The following UBA3 variants were observed in gnomAD, a reference collection of about 807,000 sequenced individuals.
The protein encoded by UBA3 is ubiquitin like modifier activating enzyme 3.
UBA3 carries 26 observed loss-of-function variants against 73.5 expected under a neutral mutation model. That is an observed-to-expected ratio of 0.35 (90% CI 0.26 to 0.49). The LOEUF is 0.49. Among genes scored for constraint, UBA3 ranks in the 20% least tolerant of loss-of-function variants. The pLI is 0.98. For missense variants in UBA3, 495 were observed against 555.6 expected (o/e 0.89, Z 1.10); for synonymous variants, 217 against 191.2 (o/e 1.13, Z -1.11).
intron 3 of UBA3, chr3:69,076,571 T>C (rs1473465589): frequency 6.6e-6 from 1 of 151,704 alleles, no homozygotes; most frequent in Non-Finnish European, 1.5e-5. Context: ...ACAGCTGCTT[T>C]TTTTTTTCCT....
chr3:69,072,065 T>C (rs2092125858), intron 4 of UBA3, among the ~76,000 whole-genome samples: 1 of 152,146 alleles, frequency 6.6e-6, no homozygotes, highest in Admixed American at 6.5e-5. Context: ...TTATAAGACA[T>C]ATATTATAAA....
chr3:69,063,995 G>C (rs2092045256), intron 7 of UBA3, 73 bp downstream of exon 7: 3 of 1,264,572 alleles, frequency 2.4e-6, no homozygotes, highest in Admixed American at 2.0e-5. Context: ...GAAATAGCTA[G>C]CAATATTTGA....
chr3:69,058,834 T>C (rs1157852904), intron 11 of UBA3, among the ~76,000 whole-genome samples: 1 of 152,198 alleles, frequency 6.6e-6, no homozygotes, highest in African/African-American at 2.4e-5. Context: ...AACCACTGGC[T>C]TGTGCAACTT....
chr3:69,075,537 A>G, intron 3 of UBA3, 27 bp from the exon 4 acceptor site: 1 of 1,436,664 alleles, frequency 7.0e-7, no homozygotes, highest in Non-Finnish European at 9.4e-7. Flanking sequence ...GGCATATTAA[A>G]AGCTGGGTGA....
intron 17 of UBA3, 30 bp from the exon 18 acceptor site, chr3:69,055,555 G>T: frequency 6.6e-7 from 1 of 1,523,950 alleles, no homozygotes; most frequent in Non-Finnish European, 8.9e-7. Flanking sequence ...ATTAATACAA[G>T]CAAAAAAAAC....
In UBA3 at chr3:69,055,313, T is replaced by A; in HGVS notation, c.*124A>T. On this transcript the variant is annotated 3_prime_UTR_variant, in exon 18 of 18. Transcript: ENST00000361055. ...GGAAGGTTACAAAGTTAAAAAAGAG[T>A]GGTTCATTATATAAAAAAAGACAAA... 1 of 546,850 alleles carries A rather than the reference T, an allele frequency of 1.8e-6. No homozygotes were observed. The highest frequency in any genetic ancestry group is 3.0e-6 in the Non-Finnish European group (1 of 331,886). 33.9% of individuals were successfully genotyped at this position (546,850 alleles called of 1,614,324 possible).
At chr3:69,072,196 T>C (rs1239613289) in intron 4 of UBA3, among the ~76,000 whole-genome samples, 2 of 152,204 alleles carry the variant, frequency 1.3e-5, no homozygotes, top group African/African-American at 2.4e-5. Context: ...GTTTCCATAA[T>C]AATGCCATGC....
chr3:69,077,678 A>T, intron 3 of UBA3, 120 bp downstream of exon 3: 1 of 1,080,790 alleles, frequency 9.3e-7, no homozygotes, highest in Non-Finnish European at 1.3e-6. Flanking sequence ...AGAAAAATTT[A>T]GTTTCACAAA....
At chr3:69,073,300 A>G (rs1220783801) in intron 4 of UBA3, among the ~76,000 whole-genome samples, 2 of 152,180 alleles carry the variant, frequency 1.3e-5, no homozygotes, top group Non-Finnish European at 2.9e-5. Flanking sequence ...CTTCTGCTCT[A>G]GCGATGATAG....
intron 6 of UBA3, among the ~76,000 whole-genome samples, chr3:69,065,265 C>T (rs1179334215): frequency 1.3e-5 from 2 of 151,994 alleles, no homozygotes; most frequent in Admixed American, 6.5e-5. Flanking sequence ...TCCTTTTTCC[C>T]TACAGGGGCC....
intron 6 of UBA3, among the ~76,000 whole-genome samples, chr3:69,064,634 A>T (rs1354603573): frequency 6.6e-6 from 1 of 152,104 alleles, no homozygotes; most frequent in Non-Finnish European, 1.5e-5. Context: ...AAAAAGTACG[A>T]ATTTTTTCTA....
intron 4 of UBA3, among the ~76,000 whole-genome samples, chr3:69,073,541 T>A (rs1232162566): frequency 6.6e-6 from 1 of 152,242 alleles, no homozygotes; most frequent in African/African-American, 2.4e-5. Context: ...CACCTTTCTG[T>A]ATTTGTTCAA....
At position 69,063,793 on chromosome 3, in the gene UBA3, C is replaced by A. The variant is rs79853676; in HGVS notation, c.472+275G>T. 0.014 allele frequency among the ~76,000 whole-genome samples: 2,130 copies of A among 151,844 alleles called. 42 individuals are homozygous for A. Among genetic ancestry groups the A allele is most frequent in the African/African-American group, 0.049 (2,020 of 41,454 alleles). Reference sequence around the variant, plus strand: ...ACGTTCTAAGAAACCAACAAAAAAACCACAAGCACTTTTTACTGTAATCCC... The same window carrying A: ...ACGTTCTAAGAAACCAACAAAAAAAACACAAGCACTTTTTACTGTAATCCC... On this transcript the variant is annotated intron_variant, in intron 7 of 17. Transcript: ENST00000361055.
At chr3:69,058,299 T>C (rs1294220727) in intron 11 of UBA3, among the ~76,000 whole-genome samples, 2 of 152,228 alleles carry the variant, frequency 1.3e-5, no homozygotes, top group Non-Finnish European at 2.9e-5. Flanking sequence ...CTCCATTTTA[T>C]AACTATATTT....
intron 4 of UBA3, among the ~76,000 whole-genome samples, chr3:69,072,137 G>A (rs935983370): frequency 3.3e-5 from 5 of 152,084 alleles, no homozygotes; most frequent in African/African-American, 1.2e-4. Context: ...TGAATCAAGA[G>A]CATGCAATTT....
chr3:69,079,492 A>G (rs145898819), intron 2 of UBA3, among the ~76,000 whole-genome samples: 1 of 152,330 alleles, frequency 6.6e-6, no homozygotes, highest in African/African-American at 2.4e-5. Context: ...GGCGCTGGCC[A>G]GGTTAGAAAA....
At position 69,077,846 on chromosome 3, in the gene UBA3, G is replaced by A. The variant is rs1463523751; in HGVS notation, c.135C>T (p.Leu45=). 7.4e-6 allele frequency: 12 copies of A among 1,613,958 alleles called. No homozygotes were observed. In the East Asian group the frequency reaches 1.1e-4, roughly 15 times the overall value. Residue 45 remains leucine, a synonymous_variant, in exon 3 of 18, where the codon CTC becomes CTT. Coordinates refer to ENST00000361055, the MANE Select transcript of UBA3 (RefSeq NM_003968.4). The part of the protein sequence containing the change: ...EGRWNHVKKF[L]ERSGPFTHPD... The stretch of plus-strand genomic sequence containing the variant: ...GGTGTGTGAAGGGTCCAGATCGCTC[G>A]AGGAACTTCTTTACATGGTTCCAGC...
rs1374397877 is a variant in UBA3, at chr3:69,057,349, A to C, written c.911-40T>G. ...CAATTAAAATATGGTCATTTCTTTA[A>C]AATAAAAGAGTTCTCTTAAATTAGA... On this transcript the variant is annotated intron_variant, in intron 11 of 17. Coordinates refer to ENST00000361055, the MANE Select transcript of UBA3 (RefSeq NM_003968.4). 7.1e-6 allele frequency: 11 copies of C among 1,550,816 alleles called. No homozygotes were observed. In the East Asian group the frequency reaches 2.0e-4, roughly 29 times the overall value.
chr3:69,075,447 C>T lies in UBA3; in HGVS notation c.247G>A (p.Glu83Lys). ...LVIGAGGLGC[E>K]LLKNLALSGF... ...TATATTACCAGATTTTTCAGGAGCT[C>T]ACATCCTAAGCCGCCAGCTCCAATG... Residue 83 changes from glutamate to lysine, a missense_variant, in exon 4 of 18, where the codon GAG (glutamate) becomes AAG (lysine). Physicochemically the swap from Glu to Lys is moderately conservative, Grantham distance 56. Transcript: ENST00000361055. 1 of 1,552,290 alleles carries T rather than the reference C, an allele frequency of 6.4e-7. No individual in the cohort carries two copies. Among genetic ancestry groups the T allele is most frequent in the Non-Finnish European group, 8.7e-7 (1 of 1,152,254 alleles).
Sources: allele counts gnomAD v4.1 joint callset (sites outside exome capture counted in the v4.1 genomes callset), GRCh38; gene constraint gnomAD v4.1.1; transcripts MANE v1.5; gene names NCBI Gene and HGNC (gene_info 2026-07-23, HGNC 2026-07-21).